The following ZPBP variants were observed in gnomAD, a reference collection of about 807,000 sequenced individuals.
ZPBP encodes the protein zona pellucida-binding protein 1.
A neutral mutation model predicts 44.8 loss-of-function variants in ZPBP; 26 were observed. The observed-to-expected ratio is 0.58, with a 90% confidence interval of 0.43 to 0.81. The LOEUF (loss-of-function observed/expected upper bound fraction) is 0.81. ZPBP is among the 30% of genes least tolerant of loss of function. The probability of loss-of-function intolerance (pLI) is 0.00; values close to 1 mark genes in which losing one functional copy is unlikely to be tolerated. For missense variants in ZPBP, 409 were observed against 434.0 expected (o/e 0.94, Z 0.51); for synonymous variants, 174 against 153.2 (o/e 1.14, Z -1.00).
intron 4 of ZPBP, among the ~76,000 whole-genome samples, chr7:50,056,616 T>C (rs534547142): frequency 1.6e-4 from 24 of 152,210 alleles, no homozygotes; most frequent in Non-Finnish European, 3.2e-4. Context: ...ACCAGTGAGA[T>C]GGAACCTACT....
At chr7:49,960,320 C>T (rs541915449) in intron 7 of ZPBP, among the ~76,000 whole-genome samples, 1 of 151,894 alleles carries the variant, frequency 6.6e-6, no homozygotes, top group South Asian at 2.1e-4. Flanking sequence ...ACTCGAGAGG[C>T]TGAGGCAAGA....
At chr7:49,964,323 A>C (rs1209040626) in intron 7 of ZPBP, among the ~76,000 whole-genome samples, 1 of 151,994 alleles carries the variant, frequency 6.6e-6, no homozygotes, top group Non-Finnish European at 1.5e-5. Flanking sequence ...AATAGACAAC[A>C]TAAAGTTTAA....
chr7:50,001,489 C>T (rs1798091819), intron 6 of ZPBP, among the ~76,000 whole-genome samples: 1 of 152,110 alleles, frequency 6.6e-6, no homozygotes, highest in African/African-American at 2.4e-5. Flanking sequence ...ACCTGTTCCT[C>T]TTTTTTGTAT....
At chr7:50,020,134 A>G (rs1799018837) in intron 5 of ZPBP, among the ~76,000 whole-genome samples, 1 of 151,998 alleles carries the variant, frequency 6.6e-6, no homozygotes, top group Non-Finnish European at 1.5e-5. Context: ...AGTATTAATA[A>G]CCTAAGGTAC....
intron 2 of ZPBP, among the ~76,000 whole-genome samples, chr7:49,889,940 T>C (rs1288963631): frequency 6.6e-6 from 1 of 152,082 alleles, no homozygotes. Context: ...TGCAAAAGAG[T>C]CAAATAACTA....
chr7:49,948,495 T>A (rs1239441728), intron 7 of ZPBP, among the ~76,000 whole-genome samples: 1 of 152,174 alleles, frequency 6.6e-6, no homozygotes, highest in Non-Finnish European at 1.5e-5. Context: ...GGTTAACATT[T>A]TTTTTTTGAA....
intron 6 of ZPBP, among the ~76,000 whole-genome samples, chr7:50,017,391 G>T (rs1253568580): frequency 6.6e-6 from 1 of 152,104 alleles, no homozygotes; most frequent in African/African-American, 2.4e-5. Context: ...GGGGATGGGG[G>T]ACTATAAACA....
chr7:49,973,902 T>A (rs1796397633), intron 7 of ZPBP, among the ~76,000 whole-genome samples: 1 of 152,164 alleles, frequency 6.6e-6, no homozygotes, highest in Non-Finnish European at 1.5e-5. Flanking sequence ...TGCCAACAGA[T>A]AGAAACAACC....
downstream of ZPBP, chr7:49,937,330 A>C (rs1225630745): frequency 1.9e-6 from 1 of 530,968 alleles, no homozygotes. Context: ...TTTTAGAATC[A>C]TATGTAGGTT....
chr7:50,057,917 A>C, intron 4 of ZPBP, 72 bp downstream of exon 4: 2 of 1,390,996 alleles, frequency 1.4e-6, no homozygotes, highest in South Asian at 2.5e-5. Flanking sequence ...CTTTAAGACA[A>C]GCCTACTTAA....
At chr7:49,963,446 AC>A (rs1172368419) in intron 7 of ZPBP, among the ~76,000 whole-genome samples, 1 of 151,856 alleles carries the variant, frequency 6.6e-6, no homozygotes, top group African/African-American at 2.4e-5. Context: ...TGTTCATACA[AC>A]TTTATTCACA....
At chr7:49,890,842 T>A (rs759390561) in intron 2 of ZPBP, among the ~76,000 whole-genome samples, 3 of 152,096 alleles carry the variant, frequency 2.0e-5, no homozygotes, top group Non-Finnish European at 4.4e-5. Context: ...CTCCTTACTT[T>A]AAGATTCTTT....
At chr7:49,989,016 G>C (rs1435304420) in intron 6 of ZPBP, among the ~76,000 whole-genome samples, 1 of 152,038 alleles carries the variant, frequency 6.6e-6, no homozygotes, top group Non-Finnish European at 1.5e-5. Context: ...CTCTCTCTCT[G>C]TGCATGGCTT....
intron 7 of ZPBP, among the ~76,000 whole-genome samples, chr7:49,958,308 CTG>C (rs1795699128): frequency 6.6e-6 from 1 of 152,148 alleles, no homozygotes; most frequent in Admixed American, 6.6e-5. Context: ...ATAAAAATGA[CTG>C]TATGTTATAT....
At chr7:49,934,607 TTCAA>T (rs1794563406), downstream of ZPBP, among the ~76,000 whole-genome samples, 1 of 152,174 alleles carries the variant, frequency 6.6e-6, no homozygotes, top group African/African-American at 2.4e-5. Context: ...CACAATAATA[TTCAA>T]TCAAATGGAA....
At chr7:49,960,894 A>G (rs896079455) in intron 7 of ZPBP, among the ~76,000 whole-genome samples, 1 of 150,944 alleles carries the variant, frequency 6.6e-6, no homozygotes, top group Admixed American at 6.6e-5. Context: ...TTGCTGTATA[A>G]CACAAGTTAT....
Position 50,031,267 on chromosome 7 carries a change from A to C in ZPBP, c.531T>G (p.Tyr177Ter), listed in dbSNP as rs1358493262. ...PHYYYQFTAR[Y>*]HAAPCNSIYN... ...AAATGCTATTGCAGGGAGCTGCATG[A>C]TATCGAGCTGTGAACTGATAATAAT... Residue 177 changes from tyrosine (Y) to a stop codon, truncating the protein, a stop_gained, in exon 5 of 8, where the codon TAT becomes TAG. Coordinates refer to ENST00000046087, the MANE Select transcript of ZPBP (RefSeq NM_007009.3). LOFTEE classifies it high-confidence loss of function. 6.2e-7 allele frequency: 1 copy of C among 1,612,046 alleles called. No homozygotes were observed. The highest frequency in any genetic ancestry group is 8.5e-7 in the Non-Finnish European group (1 of 1,179,826).
Position 50,018,273 on chromosome 7 carries a change from G to A in ZPBP, c.750C>T (p.Asp250=), listed in dbSNP as rs748488346. The stretch of plus-strand genomic sequence containing the variant: ...GTCTTTTGTAAGGTTCACAGTTATG[G>A]TCTGTACATCGCTTGGGTCCTTTTT... The part of the protein sequence containing the change: ...DTEKGPKRCT[D]HNCEPYKRLF... Residue 250 remains aspartate (D), a synonymous_variant, in exon 6 of 8, where the codon GAC becomes GAT. Transcript: ENST00000046087. The A allele has an allele frequency of 1.4e-5, 22 of 1,610,558 alleles. No individual in the cohort carries two copies. In the Admixed American group the frequency reaches 2.8e-4, roughly 21 times the overall value.
intron 3 of ZPBP, among the ~76,000 whole-genome samples, chr7:50,061,885 T>G (rs893823369): frequency 6.6e-6 from 1 of 152,086 alleles, no homozygotes; most frequent in Non-Finnish European, 1.5e-5. Flanking sequence ...CAGAGTGAGA[T>G]TCCATCTCAA....
Sources: allele counts gnomAD v4.1 joint callset (sites outside exome capture counted in the v4.1 genomes callset), GRCh38; gene constraint gnomAD v4.1.1; transcripts MANE v1.5; gene names NCBI Gene and HGNC (gene_info 2026-07-23, HGNC 2026-07-21).